The following RASGRF2 variants were observed in gnomAD, a reference collection of about 807,000 sequenced individuals.
RASGRF2 encodes Ras protein specific guanine nucleotide releasing factor 2, also known as ras-specific guanine nucleotide-releasing factor 2.
A neutral mutation model predicts 151.0 loss-of-function variants in RASGRF2; 76 were observed. The ratio of observed to expected loss-of-function variants is 0.50; its 90% CI spans 0.42 to 0.61. The LOEUF (loss-of-function observed/expected upper bound fraction) is 0.61. RASGRF2 is among the 20% of genes least tolerant of loss of function. The pLI, the probability that RASGRF2 is intolerant of heterozygous loss-of-function variation, is 0.00. For synonymous variants in RASGRF2, 504 were observed against 566.5 expected (o/e 0.89, Z 1.57); for missense variants, 1,148 against 1,564.6 (o/e 0.73, Z 4.49).
At chr5:81,017,211 C>T (rs1314587485) in intron 1 of RASGRF2, among the ~76,000 whole-genome samples, 6 of 152,192 alleles carry the variant, frequency 3.9e-5, no homozygotes, top group Non-Finnish European at 7.3e-5. Flanking sequence ...ACTATTACAG[C>T]AATGACAGGA....
At chr5:81,123,924 G>A (rs1753383997) in intron 16 of RASGRF2, among the ~76,000 whole-genome samples, 157 bp downstream of exon 16, 1 of 152,184 alleles carries the variant, frequency 6.6e-6, no homozygotes, top group Admixed American at 6.5e-5. Context: ...CTTTGTATCT[G>A]TGGGTTCCAC....
At chr5:81,219,803 A>T (rs747566958) in intron 26 of RASGRF2, 25 bp downstream of exon 26, 4 of 1,542,878 alleles carry the variant, frequency 2.6e-6, no homozygotes, top group Non-Finnish European at 3.6e-6. Flanking sequence ...CTGTGAAGAA[A>T]TTAATAAAGA....
rs182439802 is a variant in RASGRF2, at chr5:81,215,703, G to A, written c.3355-173G>A. On this transcript the variant is annotated intron_variant, in intron 23 of 26. Transcript: ENST00000265080. ...TCTCCATATGTTGTTAACATTAAATGTAAACATAATGCCCTGTCTCTACAT... is the reference window on the plus strand; with the variant it reads ...TCTCCATATGTTGTTAACATTAAATATAAACATAATGCCCTGTCTCTACAT... Among the ~76,000 whole-genome samples, 76 of 152,294 alleles carry A rather than the reference G, an allele frequency of 5.0e-4. 1 individual carries two copies. The highest frequency in any genetic ancestry group is 3.4e-4 in the Non-Finnish European group (23 of 68,022).
intron 1 of RASGRF2, among the ~76,000 whole-genome samples, chr5:80,966,639 A>G (rs1188379891): frequency 6.6e-6 from 1 of 152,228 alleles, no homozygotes; most frequent in Non-Finnish European, 1.5e-5. Context: ...AATTGTGTAT[A>G]TATTTAGAAA....
At chr5:81,064,203 C>T (rs908563448) in intron 2 of RASGRF2, among the ~76,000 whole-genome samples, 2 of 152,172 alleles carry the variant, frequency 1.3e-5, no homozygotes, top group Non-Finnish European at 2.9e-5. Flanking sequence ...CGCTTCCTTA[C>T]CAGTTGTTGG....
chr5:81,065,193 C>T (rs1751564386), intron 2 of RASGRF2, among the ~76,000 whole-genome samples: 1 of 152,142 alleles, frequency 6.6e-6, no homozygotes, highest in African/African-American at 2.4e-5. Context: ...ACTCCTAATC[C>T]ACAGAAACTA....
intron 17 of RASGRF2, among the ~76,000 whole-genome samples, chr5:81,135,244 C>T (rs1422891739): frequency 6.6e-6 from 1 of 152,104 alleles, no homozygotes; most frequent in African/African-American, 2.4e-5. Flanking sequence ...GAGGTGGAGG[C>T]TGCAGTGAGT....
chr5:81,127,417 A>T (rs556880095), intron 17 of RASGRF2, among the ~76,000 whole-genome samples: 1 of 151,948 alleles, frequency 6.6e-6, no homozygotes, highest in African/African-American at 2.4e-5. Flanking sequence ...CAGTTACTCA[A>T]GACGCTGAGG....
At position 81,086,972 on chromosome 5, in the gene RASGRF2, G is replaced by T. The variant is rs1410922100; in HGVS notation, c.1390+19G>T. On this transcript the variant is annotated intron_variant, in intron 9 of 26. Transcript: ENST00000265080. ...CGCCAAGGTAAGTCCCTGTGAAATGGACCCGCGACCTGATGCGCTGTGCGG... is the reference window on the plus strand; with the variant it reads ...CGCCAAGGTAAGTCCCTGTGAAATGTACCCGCGACCTGATGCGCTGTGCGG... 3 of 1,584,418 alleles carry T rather than the reference G, an allele frequency of 1.9e-6. No homozygotes were observed. Among genetic ancestry groups the T allele is most frequent in the Non-Finnish European group, 2.6e-6 (3 of 1,153,242 alleles).
At position 81,061,997 on chromosome 5, in the gene RASGRF2, CAAAAAAAAAA is replaced by C. The variant is rs34991044; in HGVS notation, c.396-6017_396-6008del. On this transcript the variant is annotated intron_variant, in intron 2 of 26. Coordinates refer to ENST00000265080, the MANE Select transcript of RASGRF2 (RefSeq NM_006909.3). ...AGCCACCACACCTGATCCCAGCTGA[CAAAAAAAAAA>C]AAAAAAAAAAAAAAAAACTGTAGAG... Among the ~76,000 whole-genome samples the C allele has an allele frequency of 2.7e-4, 12 of 44,004 alleles. No individual in the cohort carries two copies. The South Asian group carries it at 3.3e-3, about 12-fold the overall frequency. The allele number at this position is 44,004 out of a possible 152,430, so 28.9% of individuals were successfully genotyped here. A position where few individuals can be genotyped will look rare whatever the true frequency, so the allele number is the denominator to read the frequency against.
At chr5:81,180,010 T>C (rs778665363) in intron 17 of RASGRF2, among the ~76,000 whole-genome samples, 165 bp from the exon 18 acceptor site, 10 of 152,096 alleles carry the variant, frequency 6.6e-5, no homozygotes, top group Non-Finnish European at 1.5e-4. Context: ...GCTGAGAGAG[T>C]AATAGGTGAG....
rs754146672 is a variant in RASGRF2, at chr5:81,180,193, G to C, written c.2705G>C (p.Arg902Thr). 6.2e-7 allele frequency: 1 copy of C among 1,608,886 alleles called. No homozygotes were observed. Among genetic ancestry groups the C allele is most frequent in the South Asian group, 1.1e-5 (1 of 90,934 alleles). ...GSPPGFNNTE[R>T]TCDKEFIIRR... Reference sequence around the variant, plus strand: ...TCCTAAGGCTTTAACAACACCGAGAGAACATGTGATAAAGAGTTTATTATA... The same window carrying C: ...TCCTAAGGCTTTAACAACACCGAGACAACATGTGATAAAGAGTTTATTATA... The change falls in exon 18 of 27, where the codon AGA (arginine) becomes ACA (threonine). Residue 902 changes from arginine (R) to threonine (T), a missense_variant. Coordinates refer to ENST00000265080, the MANE Select transcript of RASGRF2 (RefSeq NM_006909.3).
At chr5:81,061,997 C>CAAAA (rs34991044) in intron 2 of RASGRF2, among the ~76,000 whole-genome samples, 6 of 43,988 alleles carry the variant, frequency 1.4e-4, no homozygotes, top group African/African-American at 5.3e-4. Flanking sequence ...TCCCAGCTGA[C>CAAAA]AAAAAAAAAA....
intron 17 of RASGRF2, among the ~76,000 whole-genome samples, chr5:81,132,637 T>C (rs946461997): frequency 6.6e-6 from 1 of 152,134 alleles, no homozygotes; most frequent in Non-Finnish European, 1.5e-5. Flanking sequence ...AGGCCTAGGG[T>C]CACTGTAAAT....
intron 1 of RASGRF2, among the ~76,000 whole-genome samples, chr5:80,963,258 A>G (rs1747620298): frequency 6.6e-6 from 1 of 152,148 alleles, no homozygotes; most frequent in African/African-American, 2.4e-5. Context: ...ATGTGAGGAG[A>G]TGAGCACATC....
intron 23 of RASGRF2, 22 bp from the exon 24 acceptor site, chr5:81,215,854 A>G: frequency 6.6e-7 from 1 of 1,507,030 alleles, no homozygotes; most frequent in Non-Finnish European, 8.8e-7. Context: ...TCATCACACT[A>G]AGTTTTTTCT....
intron 1 of RASGRF2, among the ~76,000 whole-genome samples, chr5:81,028,499 T>A (rs1326638093): frequency 6.6e-6 from 1 of 152,014 alleles, no homozygotes; most frequent in Non-Finnish European, 1.5e-5. Context: ...CCCCTCAAGA[T>A]GAGATATAAT....
In RASGRF2 at chr5:81,225,859, C is replaced by T. The variant is rs750749847; in HGVS notation, c.*89C>T. On this transcript the variant is annotated 3_prime_UTR_variant, in exon 27 of 27. Transcript: ENST00000265080. Reference sequence around the variant, plus strand: ...ATGCCTTGCCTATCACGGTACAGCACGAAGCCAGGCTCCTTTCTCCACCAA... The same window carrying T: ...ATGCCTTGCCTATCACGGTACAGCATGAAGCCAGGCTCCTTTCTCCACCAA... The T allele has an allele frequency of 8.2e-6, 11 of 1,337,290 alleles. No homozygotes were observed. The highest frequency in any genetic ancestry group is 5.3e-5 in the East Asian group (2 of 37,710). The allele number at this position is 1,337,290 out of a possible 1,614,324, so 82.8% of individuals were successfully genotyped here.
intron 17 of RASGRF2, among the ~76,000 whole-genome samples, chr5:81,146,828 A>AG (rs1754017652): frequency 6.6e-6 from 1 of 152,164 alleles, no homozygotes; most frequent in Non-Finnish European, 1.5e-5. Context: ...CTCCACCCAA[A>AG]TTCAAAGTGT....
Sources: gnomAD v4.1 joint callset for allele counts (sites outside exome capture counted in the v4.1 genomes callset) on GRCh38, gnomAD v4.1.1 for gene constraint, MANE v1.5 for transcripts, NCBI Gene and HGNC (gene_info 2026-07-23, HGNC 2026-07-21) for gene names.